Variants in MARK3 observed in about 807,000 individuals in gnomAD.
The protein encoded by MARK3 is microtubule affinity regulating kinase 3.
MARK3 carries 46 observed loss-of-function variants against 90.1 expected under a neutral mutation model. The ratio of observed to expected loss-of-function variants is 0.51; its 90% CI spans 0.40 to 0.65. The LOEUF (loss-of-function observed/expected upper bound fraction) is 0.65. Ranked by LOEUF, MARK3 falls within the 30% of genes least tolerant of loss-of-function variation. The pLI is 0.00. For synonymous variants in MARK3, 321 were observed against 332.6 expected (o/e 0.97, Z 0.38); for missense variants, 818 against 947.2 (o/e 0.86, Z 1.79).
At chr14:103,470,132 A>G (rs563794239) in intron 12 of MARK3, among the ~76,000 whole-genome samples, 2 of 152,190 alleles carry the variant, frequency 1.3e-5, no homozygotes, top group Admixed American at 6.5e-5. Flanking sequence ...CATAATAGAC[A>G]GGACAGCCCT....
At chr14:103,475,922 G>A (rs1421558158) in intron 13 of MARK3, among the ~76,000 whole-genome samples, 2 of 149,324 alleles carry the variant, frequency 1.3e-5, no homozygotes, top group Admixed American at 6.7e-5. Context: ...CTAGCCTGGC[G>A]ACAGAGCGAG....
intron 2 of MARK3, among the ~76,000 whole-genome samples, chr14:103,414,072 A>G (rs2091820245): frequency 6.6e-6 from 1 of 152,202 alleles, no homozygotes; most frequent in Admixed American, 6.5e-5. Context: ...CGTGTGGTAA[A>G]GAATTAAGTG....
chr14:103,471,234 T>C (rs553605060), intron 12 of MARK3, among the ~76,000 whole-genome samples: 5 of 152,340 alleles, frequency 3.3e-5, no homozygotes, highest in African/African-American at 9.6e-5. Context: ...CACATTTCTC[T>C]AAGGAATATG....
Position 103,385,832 on chromosome 14 carries a change from A to C in MARK3, c.-198A>C. ...CCTCGCCTCGGCCGCCGAGGCAGGGAGAGAATGAGCCCCGGGACCCGCCGG... is the reference window on the plus strand; with the variant it reads ...CCTCGCCTCGGCCGCCGAGGCAGGGCGAGAATGAGCCCCGGGACCCGCCGG... On this transcript the variant is annotated 5_prime_UTR_variant, in exon 1 of 18. Coordinates refer to ENST00000429436, the MANE Select transcript of MARK3 (RefSeq NM_001128918.3). The C allele has an allele frequency of 2.1e-6, 1 of 471,362 alleles. No individual in the cohort carries two copies. 29.2% of individuals were successfully genotyped at this position (471,362 alleles called of 1,614,324 possible).
rs368756695 is a variant in MARK3 at position 103,467,161 on chromosome 14, A to T, written c.1080A>T (p.Thr360=). The change falls in exon 11 of 18, where the codon ACA becomes ACT. Residue 360 remains threonine (T), a synonymous_variant. Coordinates refer to ENST00000429436, the MANE Select transcript of MARK3 (RefSeq NM_001128918.3). ...SKMKYDEITA[T]YLLLGRKSSE... ...TGAAATACGATGAAATCACAGCTAC[A>T]TATTTGTTATTGGGGAGAAAATCTT... 1 of 1,597,662 alleles carries T rather than the reference A, an allele frequency of 6.3e-7. No individual in the cohort carries two copies. The highest frequency in any genetic ancestry group is 1.1e-5 in the South Asian group (1 of 89,570).
chr14:103,389,230 G>T (rs1015646831), intron 1 of MARK3, among the ~76,000 whole-genome samples: 1 of 151,768 alleles, frequency 6.6e-6, no homozygotes, highest in Middle Eastern at 3.2e-3. Flanking sequence ...CGGGCGTGGT[G>T]GCAGGCACCT....
chr14:103,491,908 G>C lies in MARK3; in HGVS notation c.1718G>C (p.Arg573Pro), dbSNP rs764249228. ...STFHGQPRER[R>P]TATYNGPPAS... is the part of the protein sequence containing the mutation. ...TTCCACGGCCAGCCCCGGGAACGGC[G>C]AACCGCAACATATAATGGCCCTCCT... The change falls in exon 15 of 18, where the codon CGA becomes CCA. Residue 573 changes from arginine to proline, a missense_variant. Physicochemically the swap from Arg to Pro is moderately radical, Grantham distance 103 (BLOSUM62 -2). Around this residue, in one of 3 missense-constraint regions of MARK3, gnomAD observed 560 missense variants for 613.5 expected, o/e 0.91. Coordinates refer to ENST00000429436, the MANE Select transcript of MARK3 (RefSeq NM_001128918.3). The C allele has an allele frequency of 6.2e-7, 1 of 1,614,086 alleles. No homozygotes were observed. Among genetic ancestry groups the C allele is most frequent in the South Asian group, 1.1e-5 (1 of 91,080 alleles).
chr14:103,449,061 A>C, intron 4 of MARK3, 94 bp downstream of exon 4: 3 of 1,284,466 alleles, frequency 2.3e-6, no homozygotes, highest in Non-Finnish European at 3.3e-6. Flanking sequence ...GGTAGAGTAC[A>C]CTTCTAGTAA....
intron 2 of MARK3, among the ~76,000 whole-genome samples, chr14:103,420,806 C>G (rs1020454000): frequency 1.3e-5 from 2 of 152,174 alleles, no homozygotes; most frequent in African/African-American, 2.4e-5. Flanking sequence ...AAAATATGCA[C>G]ATCCCTAGTT....
chr14:103,450,883 TG>T (rs2093122738), intron 4 of MARK3, among the ~76,000 whole-genome samples: 1 of 20,862 alleles, frequency 4.8e-5, no homozygotes, highest in East Asian at 6.8e-3. Context: ...AAAGTGTGTG[TG>T]TGTGTGTGTG....
intron 13 of MARK3, among the ~76,000 whole-genome samples, chr14:103,475,953 A>G (rs1327055400): frequency 6.6e-6 from 1 of 152,114 alleles, no homozygotes; most frequent in African/African-American, 2.4e-5. Flanking sequence ...AAAAAAAAAA[A>G]AAAAGATACT....
intron 1 of MARK3, among the ~76,000 whole-genome samples, chr14:103,394,972 G>A (rs1359173790): frequency 1.3e-5 from 2 of 152,020 alleles, no homozygotes; most frequent in Non-Finnish European, 2.9e-5. Context: ...TAGTAGAAAC[G>A]GGGTTTCACC....
chr14:103,415,823 T>C (rs1447711060), intron 2 of MARK3, among the ~76,000 whole-genome samples: 3 of 152,226 alleles, frequency 2.0e-5, no homozygotes. Context: ...AGAAGTTTCT[T>C]TTCTTATCCC....
chr14:103,411,413 T>C (rs566370324), intron 2 of MARK3, among the ~76,000 whole-genome samples: 2 of 152,336 alleles, frequency 1.3e-5, no homozygotes, highest in East Asian at 1.9e-4. Flanking sequence ...ACTTTTTTTT[T>C]CCACTTGGAT....
In MARK3 at chr14:103,462,476, C is replaced by T. The variant is rs1202149715; in HGVS notation, c.540+15C>T. 12 of 1,590,794 alleles carry T rather than the reference C, an allele frequency of 7.5e-6. No individual in the cohort carries two copies. The African/African-American group carries it at 1.2e-4, about 16-fold the overall frequency. The stretch of plus-strand genomic sequence containing the variant: ...GAGACCTCAAGGTGAGTAGAAGTGC[C>T]TCACTCAGTGTATGCTCTGTCTGTT... On this transcript the variant is annotated intron_variant, in intron 7 of 17. Transcript: ENST00000429436.
Position 103,503,445 on chromosome 14 carries a change from G to A in MARK3, c.*218G>A, listed in dbSNP as rs545255764. The A allele has an allele frequency of 4.9e-5, 27 of 551,992 alleles. No individual in the cohort carries two copies. The highest frequency in any genetic ancestry group is 7.0e-5 in the Non-Finnish European group (22 of 313,202). The allele number at this position is 551,992 out of a possible 1,614,324, so 34.2% of individuals were successfully genotyped here. On this transcript the variant is annotated 3_prime_UTR_variant, in exon 18 of 18. Transcript: ENST00000429436. ...CCTATGCGCCCCCTGCCCTACTTCC[G>A]TTACCCTGAGAGTCGGTGTGTGGCC... is the stretch of plus-strand genomic sequence containing the variant.
chr14:103,455,510 T>G (rs778305090), intron 5 of MARK3, among the ~76,000 whole-genome samples: 4 of 152,102 alleles, frequency 2.6e-5, no homozygotes, highest in Non-Finnish European at 5.9e-5. Flanking sequence ...GCAGATCACT[T>G]GAGGCCAGGA....
intron 1 of MARK3, among the ~76,000 whole-genome samples, chr14:103,388,678 C>T (rs1199359875): frequency 6.6e-6 from 1 of 152,176 alleles, no homozygotes; most frequent in South Asian, 2.1e-4. Flanking sequence ...AGTCAGTGCC[C>T]TCTCCCTTTC....
chr14:103,449,779 A>T (rs971054807), intron 4 of MARK3, among the ~76,000 whole-genome samples: 1 of 152,252 alleles, frequency 6.6e-6, no homozygotes, highest in African/African-American at 2.4e-5. Context: ...AAAAAATTAC[A>T]TAACTGCTTT....
Sources: gnomAD v4.1 joint callset for allele counts (sites outside exome capture counted in the v4.1 genomes callset) on GRCh38, gnomAD v4.1.1 for gene constraint, gnomAD v4.1.1 regional missense constraint, MANE v1.5 for transcripts, NCBI Gene and HGNC (gene_info 2026-07-23, HGNC 2026-07-21) for gene names.